Variants in LRP8 observed in about 807,000 individuals in gnomAD.
LRP8 encodes LDL receptor related protein 8.
A neutral mutation model predicts 111.6 loss-of-function variants in LRP8; 46 were observed. That is an observed-to-expected ratio of 0.41 (90% confidence interval 0.33 to 0.53). LRP8 has a LOEUF of 0.53. Among genes scored for constraint, LRP8 ranks in the 20% least tolerant of loss-of-function variants. The probability of loss-of-function intolerance (pLI) is 0.20; values close to 1 mark genes in which losing one functional copy is unlikely to be tolerated. For missense variants in LRP8, 959 were observed against 1,297.4 expected (o/e 0.74, Z 4.01); for synonymous variants, 464 against 511.2 (o/e 0.91, Z 1.24).
At chr1:53,263,461 TA>T (rs1311099343) in intron 10 of LRP8, among the ~76,000 whole-genome samples, 1 of 152,080 alleles carries the variant, frequency 6.6e-6, no homozygotes, top group Non-Finnish European at 1.5e-5. Flanking sequence ...GATATAACGC[TA>T]AAAAAACCAT....
At chr1:53,326,747 C>T in intron 2 of LRP8, 126 bp downstream of exon 2, 1 of 1,438,020 alleles carries the variant, frequency 7.0e-7, no homozygotes, top group East Asian at 2.6e-5. Flanking sequence ...TTCCCGGTCG[C>T]AGGCTCCGGC....
At chr1:53,313,620 G>C (rs1390497826) in intron 2 of LRP8, among the ~76,000 whole-genome samples, 1 of 152,210 alleles carries the variant, frequency 6.6e-6, no homozygotes, top group Non-Finnish European at 1.5e-5. Flanking sequence ...GGTCAGGTGA[G>C]GCCGGACAAG....
At chr1:53,307,060 AC>A (rs1652099195) in intron 2 of LRP8, among the ~76,000 whole-genome samples, 1 of 152,048 alleles carries the variant, frequency 6.6e-6, no homozygotes, top group South Asian at 2.1e-4. Context: ...GGGAATCCTG[AC>A]CTTGCCCCCT....
Position 53,317,554 on chromosome 1 carries a change from T to C in LRP8, c.244+9319A>G, listed in dbSNP as rs1026188665. ...ATCTCTCCTGCTGCTATTTTGCTGCTGCCCTCTTGTTGTGTCCTTGGTGGA... is the reference window on the plus strand; with the variant it reads ...ATCTCTCCTGCTGCTATTTTGCTGCCGCCCTCTTGTTGTGTCCTTGGTGGA... On this transcript the variant is annotated intron_variant, in intron 2 of 18. Transcript: ENST00000306052. The surrounding 1 kb of genome is among the most constrained non-coding windows in gnomAD (Gnocchi z 4.9). 6.6e-6 allele frequency among the ~76,000 whole-genome samples: 1 copy of C among 152,208 alleles called. No individual in the cohort carries two copies. The highest frequency in any genetic ancestry group is 1.5e-5 in the Non-Finnish European group (1 of 68,030).
Position 53,245,826 on chromosome 1 carries a change from C to T in LRP8, c.*1192G>A, listed in dbSNP as rs544309741. 5 of 152,714 alleles carry T rather than the reference C, an allele frequency of 3.3e-5. No individual in the cohort carries two copies. Among genetic ancestry groups the T allele is most frequent in the Admixed American group, 1.3e-4 (2 of 15,292 alleles). 9.5% of individuals were successfully genotyped at this position (152,714 alleles called of 1,614,324 possible). ...GATGTGATAAAACCTATTCCACCAT[C>T]TTTATCTTCATCCACAGCATGTCCT... On this transcript the variant is annotated 3_prime_UTR_variant, in exon 19 of 19. Transcript: ENST00000306052.
At chr1:53,290,585 G>A (rs983892726) in intron 2 of LRP8, among the ~76,000 whole-genome samples, 2 of 152,136 alleles carry the variant, frequency 1.3e-5, no homozygotes, top group African/African-American at 2.4e-5. Flanking sequence ...AGCTGGTTAC[G>A]GAGCTGAGAT....
intron 2 of LRP8, among the ~76,000 whole-genome samples, chr1:53,312,872 G>A (rs554129788): frequency 6.6e-5 from 10 of 152,310 alleles, no homozygotes; most frequent in South Asian, 2.1e-4. Flanking sequence ...CCGAGGAGCC[G>A]TGTTCAATTT....
At chr1:53,284,864 G>A (rs1647319794) in intron 3 of LRP8, among the ~76,000 whole-genome samples, 1 of 152,206 alleles carries the variant, frequency 6.6e-6, no homozygotes, top group Non-Finnish European at 1.5e-5. Context: ...ATCCCTTGGA[G>A]TGGCAGGAGA....
intron 16 of LRP8, among the ~76,000 whole-genome samples, chr1:53,254,882 A>T (rs1646023720): frequency 6.6e-6 from 1 of 152,028 alleles, no homozygotes; most frequent in South Asian, 2.1e-4. Flanking sequence ...TAGAGTGTGA[A>T]TCGAGGGGTG....
In LRP8 at chr1:53,280,609, C is replaced by T. The variant is rs539938837; in HGVS notation, c.474G>A (p.Ala158=). ...CACAGGTAGCACAGCCGGCCTCATC[C>T]GCTCCACCCTCGCAGTCCTTCTCCC... The part of the protein sequence containing the change: ...CDGEKDCEGG[A]DEAGCATLCA... Residue 158 remains alanine, a synonymous_variant, in exon 4 of 19, where the codon GCG becomes GCA. Coordinates refer to ENST00000306052, the MANE Select transcript of LRP8 (RefSeq NM_004631.5). The T allele has an allele frequency of 1.7e-4, 268 of 1,613,014 alleles. 4 individuals carry two copies. In the South Asian group the frequency reaches 2.6e-3, roughly 16 times the overall value.
At chr1:53,312,067 C>T (rs2788031) in intron 2 of LRP8, among the ~76,000 whole-genome samples, 33,071 of 152,188 alleles carry the variant, frequency 0.22, 6,599 homozygotes, top group African/African-American at 0.54. Flanking sequence ...ACATGGGACA[C>T]AGACAGACAG....
At chr1:53,323,780 G>A (rs928332317) in intron 2 of LRP8, among the ~76,000 whole-genome samples, 2 of 152,208 alleles carry the variant, frequency 1.3e-5, no homozygotes, top group Admixed American at 6.5e-5. Context: ...TGACTTTGGG[G>A]GAGTCACTTC....
intron 16 of LRP8, among the ~76,000 whole-genome samples, chr1:53,251,743 GTA>G (rs1373831030): frequency 1.3e-5 from 2 of 151,772 alleles, no homozygotes; most frequent in East Asian, 3.9e-4. Flanking sequence ...AAATTTAAGG[GTA>G]TAAATATGGG....
At chr1:53,296,672 C>T (rs1004703737) in intron 2 of LRP8, among the ~76,000 whole-genome samples, 1 of 152,226 alleles carries the variant, frequency 6.6e-6, no homozygotes, top group Admixed American at 6.5e-5. Flanking sequence ...TAAACTGTCA[C>T]CCCAGTCAAC....
rs1572581643 is a variant in LRP8 at position 53,293,832 on chromosome 1, C to T, written c.245-4143G>A. 1.3e-5 allele frequency among the ~76,000 whole-genome samples: 2 copies of T among 152,352 alleles called. No individual in the cohort carries two copies. Among genetic ancestry groups the T allele is most frequent in the East Asian group, 3.9e-4 (2 of 5,182 alleles). On this transcript the variant is annotated intron_variant, in intron 2 of 18. Transcript: ENST00000306052. The surrounding 1 kb of genome is among the most constrained non-coding windows in gnomAD (Gnocchi z 4.9). ...GATCTGGAGTCAGAGTGGAGACTGA[C>T]TCCTGGCATAGCCACCTCGGGGTGA...
intron 10 of LRP8, 55 bp downstream of exon 10, chr1:53,264,114 C>G: frequency 2.6e-6 from 4 of 1,543,318 alleles, no homozygotes; most frequent in Non-Finnish European, 2.7e-6. Context: ...GTGACAGACA[C>G]AAGAGGACTG....
At chr1:53,290,477 T>G (rs61769632) in intron 2 of LRP8, among the ~76,000 whole-genome samples, 3,078 of 152,238 alleles carry the variant, frequency 0.02, 57 homozygotes, top group South Asian at 0.054. Flanking sequence ...GCTGGAGAAG[T>G]GGCAGCTACT....
At chr1:53,310,563 G>A (rs1042806731) in intron 2 of LRP8, among the ~76,000 whole-genome samples, 19 of 152,146 alleles carry the variant, frequency 1.2e-4, no homozygotes, top group Non-Finnish European at 2.4e-4. Context: ...AGACCCAGCC[G>A]TGCAGGAGCC....
intron 3 of LRP8, among the ~76,000 whole-genome samples, chr1:53,284,333 C>T (rs1647260548): frequency 6.6e-6 from 1 of 152,166 alleles, no homozygotes; most frequent in African/African-American, 2.4e-5. Flanking sequence ...TGCACTACAG[C>T]AGGGCAGCAG....
Sources: allele counts gnomAD v4.1 joint callset (sites outside exome capture counted in the v4.1 genomes callset), GRCh38; gene constraint gnomAD v4.1.1; non-coding constraint Gnocchi (gnomAD v3.1); transcripts MANE v1.5; gene names NCBI Gene and HGNC (gene_info 2026-07-23, HGNC 2026-07-21).